The following LMTK3 variants were observed in gnomAD, a reference collection of about 807,000 sequenced individuals.
The protein encoded by LMTK3 is serine/threonine-protein kinase LMTK3.
Under a neutral mutation model 116.7 loss-of-function variants are expected in LMTK3, and 27 were observed. The ratio of observed to expected loss-of-function variants is 0.23; its 90% CI spans 0.17 to 0.32. LMTK3 has a LOEUF of 0.32. LMTK3 is among the 10% of genes least tolerant of loss of function. The pLI, the probability that LMTK3 is intolerant of heterozygous loss-of-function variation, is 1.00. For synonymous variants in LMTK3, 965 were observed against 971.0 expected (o/e 0.99, Z 0.11); for missense variants, 1,764 against 2,068.5 (o/e 0.85, Z 2.86).
In LMTK3 at chr19:48,494,749, G is replaced by A. The variant is rs1410778980; in HGVS notation, c.3677-640C>T. Among the ~76,000 whole-genome samples, 4 of 152,184 alleles carry A rather than the reference G, an allele frequency of 2.6e-5. No homozygotes were observed. The highest frequency in any genetic ancestry group is 5.9e-5 in the Non-Finnish European group (4 of 68,036). ...TGATGGCAGGGGCAAGAGGAGGGTG[G>A]AGGTGGGGCAGGGAGAAAGATGAAT... On this transcript the variant is annotated intron_variant, in intron 11 of 14. Coordinates refer to ENST00000600059, the MANE Select transcript of LMTK3 (RefSeq NM_001388485.1). The surrounding 1 kb of genome is among the most constrained non-coding windows in gnomAD (Gnocchi z 4.0).
chr19:48,509,589 G>C (rs1334019457), intron 3 of LMTK3, 76 bp from the exon 4 acceptor site: 1 of 1,240,594 alleles, frequency 8.1e-7, no homozygotes, highest in Non-Finnish European at 1.1e-6. Flanking sequence ...CAGGTCAGTG[G>C]GGACTGAGAC....
chr19:48,513,132 A>G, upstream of LMTK3: 3 of 1,596,696 alleles, frequency 1.9e-6, no homozygotes, highest in Non-Finnish European at 2.6e-6. This position sits in a 1 kb window ranked among gnomAD's most constrained non-coding sequence, Gnocchi z 5.6. Context: ...CGGGTCGCAA[A>G]TACCCACGTT....
Position 48,497,395 on chromosome 19 carries a change from T to G in LMTK3, c.3674A>C (p.Lys1225Thr), listed in dbSNP as rs1420001238. The change falls in exon 11 of 15, where the codon AAA becomes ACA. Residue 1225 changes from lysine to threonine, a missense_variant and splice_region_variant. This residue lies in a region of LMTK3 where 39 missense variants were observed against 75.4 expected (regional missense o/e 0.52). Transcript: ENST00000600059. This position sits in a 1 kb window ranked among gnomAD's most constrained non-coding sequence, Gnocchi z 5.7. ...GPPQGNSEQI[K>T]ARLSRLSLAL... ...ACTGTGCCCCGCAGCCTCCTCACCT[T>G]TGATCTGCTCGCTGTTCCCCTGAGG... 2.0e-6 allele frequency: 3 copies of G among 1,512,202 alleles called. No homozygotes were observed. The highest frequency in any genetic ancestry group is 2.6e-6 in the Non-Finnish European group (3 of 1,134,154). The allele number at this position is 1,512,202 out of a possible 1,614,324, so 93.7% of individuals were successfully genotyped here. A position where few individuals can be genotyped will look rare whatever the true frequency, so the allele number is the denominator to read the frequency against.
In LMTK3 at chr19:48,497,538, C is replaced by A; in HGVS notation, c.3531G>T (p.Glu1177Asp). ...CGGCCCTGCTGTCTGGGGCCCCGGG[C>A]TCTCCCTCGGGGGCCACCTCCGGCC... ...RARPEVAPEG[E>D]PGAPDSRAGG... is the part of the protein sequence containing the mutation. The change falls in exon 11 of 15, where the codon GAG becomes GAT. Residue 1177 changes from glutamate to aspartate, a missense_variant. Physicochemically the swap from Glu to Asp is conservative, Grantham distance 45 (BLOSUM62 2). Coordinates refer to ENST00000600059, the MANE Select transcript of LMTK3 (RefSeq NM_001388485.1). The surrounding 1 kb of genome is among the most constrained non-coding windows in gnomAD (Gnocchi z 5.7). 1 of 1,394,886 alleles carries A rather than the reference C, an allele frequency of 7.2e-7. No homozygotes were observed. Among genetic ancestry groups the A allele is most frequent in the Non-Finnish European group, 9.3e-7 (1 of 1,071,168 alleles). 86.4% of individuals were successfully genotyped at this position (1,394,886 alleles called of 1,614,324 possible). A position where few individuals can be genotyped will look rare whatever the true frequency, so the allele number is the denominator to read the frequency against.
rs1285154885 is a variant in LMTK3 at position 48,491,991 on chromosome 19, C to A, written c.4093-452G>T. Among the ~76,000 whole-genome samples, 1 of 152,026 alleles carries A rather than the reference C, an allele frequency of 6.6e-6. No individual in the cohort carries two copies. The highest frequency in any genetic ancestry group is 2.4e-5 in the African/African-American group (1 of 41,394). On this transcript the variant is annotated intron_variant, in intron 12 of 14. Transcript: ENST00000600059. This position sits in a 1 kb window ranked among gnomAD's most constrained non-coding sequence, Gnocchi z 5.1. ...GATGCTGTGACCCTGCCCCTGAGCC[C>A]TCCCTCAGAAGTAGACCTGCTCCCG...
Position 48,491,143 on chromosome 19 carries a change from C to G in LMTK3, c.4331G>C (p.Gly1444Ala). 1.4e-6 allele frequency: 2 copies of G among 1,382,042 alleles called. No individual in the cohort carries two copies. Among genetic ancestry groups the G allele is most frequent in the Non-Finnish European group, 1.9e-6 (2 of 1,067,814 alleles). The allele number at this position is 1,382,042 out of a possible 1,614,324, so 85.6% of individuals were successfully genotyped here. The change falls in exon 14 of 15, where the codon GGG (glycine) becomes GCG (alanine). Residue 1444 changes from glycine to alanine, a missense_variant. Around this residue, in one of 7 missense-constraint regions of LMTK3, gnomAD observed 281 missense variants for 301.4 expected, o/e 0.93. Coordinates refer to ENST00000600059, the MANE Select transcript of LMTK3 (RefSeq NM_001388485.1). This position sits in a 1 kb window ranked among gnomAD's most constrained non-coding sequence, Gnocchi z 5.1. ...FSVSPALETP[G>A]PPARAPDARP... ...GGCGTCGGGGGCCCGGGCGGGTGGCCCCGGGGTCTCCAGCGCAGGCGAGAC... is the reference window on the plus strand; with the variant it reads ...GGCGTCGGGGGCCCGGGCGGGTGGCGCCGGGGTCTCCAGCGCAGGCGAGAC...
rs895313136 is a variant in LMTK3 at position 48,501,575 on chromosome 19, C to T, written c.795-13G>A. 6.3e-7 allele frequency: 1 copy of T among 1,598,378 alleles called. No individual in the cohort carries two copies. The highest frequency in any genetic ancestry group is 1.1e-5 in the South Asian group (1 of 89,276). On this transcript the variant is annotated splice_polypyrimidine_tract_variant and intron_variant, in intron 7 of 14. Transcript: ENST00000600059. Reference sequence around the variant, plus strand: ...CAGGGCCAGGTCGCTGCGGGAAGAACGCGAGGAGGTGAGCGCAGGGGCAGC... The same window carrying T: ...CAGGGCCAGGTCGCTGCGGGAAGAATGCGAGGAGGTGAGCGCAGGGGCAGC...
chr19:48,498,552 C>G lies in LMTK3; in HGVS notation c.2517G>C (p.Pro839=). 6.4e-7 allele frequency: 1 copy of G among 1,562,244 alleles called. No homozygotes were observed. Among genetic ancestry groups the G allele is most frequent in the African/African-American group, 1.4e-5 (1 of 73,302 alleles). ...GGGGCCCCGGGAGTGGGAGCGGACC[C>G]GGGTCTGGAGGTGGCCGGGGCGCTC... ...DPGAPRPPPD[P]GPLPLPGPRE... Residue 839 remains proline, a synonymous_variant, in exon 11 of 15, where the codon CCG becomes CCC. Transcript: ENST00000600059.
At chr19:48,513,402 G>A, upstream of LMTK3, 1 of 574,460 alleles carries the variant, frequency 1.7e-6, no homozygotes, top group Non-Finnish European at 3.1e-6. The surrounding 1 kb of genome is among the most constrained non-coding windows in gnomAD (Gnocchi z 5.6). Flanking sequence ...AGGCACACAA[G>A]CCGGGGAGTG....
At chr19:48,512,786 A>G (rs1242401334), upstream of LMTK3, among the ~76,000 whole-genome samples, 1 of 152,184 alleles carries the variant, frequency 6.6e-6, no homozygotes, top group Non-Finnish European at 1.5e-5. Context: ...ACTCATACAT[A>G]CAGGGCTACA....
rs887091693 is a variant in LMTK3 at position 48,500,936 on chromosome 19, G to C, written c.1151+60C>G. The C allele has an allele frequency of 2.2e-5, 31 of 1,438,646 alleles. No individual in the cohort carries two copies. The highest frequency in any genetic ancestry group is 1.8e-4 in the East Asian group (7 of 39,878). 89.1% of individuals were successfully genotyped at this position (1,438,646 alleles called of 1,614,324 possible). On this transcript the variant is annotated intron_variant, in intron 10 of 14. Transcript: ENST00000600059. The surrounding 1 kb of genome is among the most constrained non-coding windows in gnomAD (Gnocchi z 4.0). ...GGTGATGTGGGAAACGAGGGGGGAT[G>C]CTGGGACCATCCTGGGTGGGGTGCG...
intron 14 of LMTK3, among the ~76,000 whole-genome samples, chr19:48,490,772 G>T (rs1024762241): frequency 1.3e-5 from 2 of 152,216 alleles, no homozygotes; most frequent in Non-Finnish European, 2.9e-5. Context: ...CCAAACGGAG[G>T]TGGGATCAGG....
chr19:48,497,647 G>C lies in LMTK3; in HGVS notation c.3422C>G (p.Thr1141Arg), dbSNP rs1338686407. ...VDAKAGWVDN[T>R]RPQPPPPPLP... ...CGGTGGCGGCGGTGGCTGCGGCCTC[G>C]TGTTGTCTACCCATCCGGCCTTTGC... The change falls in exon 11 of 15, where the codon ACG becomes AGG. Residue 1141 changes from threonine (T) to arginine (R), a missense_variant. Physicochemically the swap from Thr to Arg is moderately conservative, Grantham distance 71. This residue lies in a region of LMTK3 where 1,028 missense variants were observed against 1,050.6 expected (regional missense o/e 0.98). Coordinates refer to ENST00000600059, the MANE Select transcript of LMTK3 (RefSeq NM_001388485.1). This position sits in a 1 kb window ranked among gnomAD's most constrained non-coding sequence, Gnocchi z 5.7. 1.5e-6 allele frequency: 2 copies of C among 1,308,340 alleles called. No individual in the cohort carries two copies. Among genetic ancestry groups the C allele is most frequent in the Admixed American group, 3.9e-5 (1 of 25,356 alleles). The allele number at this position is 1,308,340 out of a possible 1,614,324, so 81.0% of individuals were successfully genotyped here. A position where few individuals can be genotyped will look rare whatever the true frequency, so the allele number is the denominator to read the frequency against.
In LMTK3 at chr19:48,491,506, G is replaced by C; in HGVS notation, c.4126C>G (p.Pro1376Ala). ...GACGGGTCCGTGTCCCCCTCGGGGG[G>C]GGCCTGGACGCTCAGCTCGTTGGTT... The part of the protein sequence containing the change: ...TPTNELSVQA[P>A]PEGDTDPSTP... Residue 1376 changes from proline to alanine, a missense_variant, in exon 13 of 15, where the codon CCC becomes GCC. Coordinates refer to ENST00000600059, the MANE Select transcript of LMTK3 (RefSeq NM_001388485.1). The surrounding 1 kb of genome is among the most constrained non-coding windows in gnomAD (Gnocchi z 5.1). The C allele has an allele frequency of 2.1e-6, 3 of 1,402,070 alleles. No individual in the cohort carries two copies. Among genetic ancestry groups the C allele is most frequent in the Non-Finnish European group, 2.8e-6 (3 of 1,073,576 alleles). The allele number at this position is 1,402,070 out of a possible 1,614,324, so 86.9% of individuals were successfully genotyped here.
chr19:48,488,770 G>C (rs143243119), intron 14 of LMTK3, among the ~76,000 whole-genome samples: 2,926 of 128,746 alleles, frequency 0.023, 106 homozygotes, highest in African/African-American at 0.079. Context: ...ATGGAGTTTT[G>C]CTCTTGTTGC....
In LMTK3 at chr19:48,502,428, C is replaced by T; in HGVS notation, c.794+5G>A. ...GCTCCTCCCGCGGCTCCCCGGCCCGCCCACCTGTGCACGTAGTTGTGGGAA... is the reference window on the plus strand; with the variant it reads ...GCTCCTCCCGCGGCTCCCCGGCCCGTCCACCTGTGCACGTAGTTGTGGGAA... On this transcript the variant is annotated splice_donor_5th_base_variant and intron_variant, in intron 7 of 14. Transcript: ENST00000600059. The T allele has an allele frequency of 6.2e-7, 1 of 1,609,788 alleles. No homozygotes were observed. Among genetic ancestry groups the T allele is most frequent in the Non-Finnish European group, 8.5e-7 (1 of 1,178,772 alleles).
In LMTK3 at chr19:48,497,516, C is replaced by T; in HGVS notation, c.3553G>A (p.Ala1185Thr). ...EGEPGAPDSRAGGDTALSGDG... is the reference protein window; with the variant it reads ...EGEPGAPDSRTGGDTALSGDG... The stretch of plus-strand genomic sequence containing the variant: ...CCGCTGAGTGCCGTGTCTCCGCCGG[C>T]CCTGCTGTCTGGGGCCCCGGGCTCT... The change falls in exon 11 of 15, where the codon GCC becomes ACC. Residue 1185 changes from alanine (A) to threonine (T), a missense_variant. Ala to Thr is a moderately conservative substitution (Grantham distance 58). This residue lies in a region of LMTK3 where 1,028 missense variants were observed against 1,050.6 expected (regional missense o/e 0.98). Transcript: ENST00000600059. The surrounding 1 kb of genome is among the most constrained non-coding windows in gnomAD (Gnocchi z 5.7). The T allele has an allele frequency of 7.0e-7, 1 of 1,435,962 alleles. No homozygotes were observed. Among genetic ancestry groups the T allele is most frequent in the Non-Finnish European group, 9.1e-7 (1 of 1,093,576 alleles). The allele number at this position is 1,435,962 out of a possible 1,614,324, so 89.0% of individuals were successfully genotyped here.
At chr19:48,506,543 C>T (rs1972574112) in intron 5 of LMTK3, among the ~76,000 whole-genome samples, 1 of 152,212 alleles carries the variant, frequency 6.6e-6, no homozygotes, top group Admixed American at 6.5e-5. Flanking sequence ...CACTTGTGTG[C>T]TGTGGGGCCA....
intron 9 of LMTK3, 39 bp downstream of exon 9, chr19:48,501,244 T>C (rs1163435840): frequency 6.2e-7 from 1 of 1,610,410 alleles, no homozygotes; most frequent in African/African-American, 1.3e-5. Flanking sequence ...CCTTCCACCT[T>C]CCTGGCCTGC....
Sources: allele counts gnomAD v4.1 joint callset (sites outside exome capture counted in the v4.1 genomes callset), GRCh38; gene constraint gnomAD v4.1.1; regional missense constraint gnomAD v4.1.1; non-coding constraint Gnocchi (gnomAD v3.1); transcripts MANE v1.5; gene names NCBI Gene and HGNC (gene_info 2026-07-23, HGNC 2026-07-21).